Variants in ANO7 observed in about 807,000 individuals in gnomAD.
The protein encoded by ANO7 is anoctamin 7.
A neutral mutation model predicts 115.8 loss-of-function variants in ANO7; 114 were observed. That is an observed-to-expected ratio of 0.98 (90% CI 0.85 to 1.15). The LOEUF is 1.15. Among genes scored for constraint, ANO7 ranks in the 50% most tolerant of loss-of-function variants. ANO7 has a pLI of 0.00. For missense variants in ANO7, 1,302 were observed against 1,201.2 expected, an observed-to-expected ratio of 1.08 and a Z score of -1.24; for synonymous variants, 550 against 498.2, an observed-to-expected ratio of 1.10 and a Z score of -1.38.
intron 1 of ANO7, among the ~76,000 whole-genome samples, chr2:241,189,605 G>A (rs1171428573): frequency 6.6e-6 from 1 of 152,132 alleles, no homozygotes; most frequent in Non-Finnish European, 1.5e-5. Flanking sequence ...TCCTGGCACT[G>A]GGTCCTCAGG....
intron 21 of ANO7, among the ~76,000 whole-genome samples, chr2:241,220,670 G>A (rs1212928153): frequency 2.6e-5 from 4 of 152,230 alleles, no homozygotes; most frequent in African/African-American, 9.6e-5. Flanking sequence ...CGTGGTGCTG[G>A]ACGCCTGTAG....
the ANO7 span, chr2:241,235,465 A>T: frequency 6.4e-7 from 1 of 1,569,030 alleles, no homozygotes; most frequent in Non-Finnish European, 8.8e-7. Flanking sequence ...CTCCTGTGAC[A>T]TGGCCTCCCG....
At chr2:241,218,733 C>A (rs1339041100) in intron 21 of ANO7, among the ~76,000 whole-genome samples, 1 of 152,186 alleles carries the variant, frequency 6.6e-6, no homozygotes, top group Non-Finnish European at 1.5e-5. Context: ...GTCTTCAGAG[C>A]GGAGCTCGCC....
At chr2:241,226,610 G>A (rs1294414686), downstream of ANO7, among the ~76,000 whole-genome samples, 1 of 152,074 alleles carries the variant, frequency 6.6e-6, no homozygotes, top group Non-Finnish European at 1.5e-5. Context: ...ATTTTTAATA[G>A]AGACGGGGTT....
At chr2:241,221,336 A>C (rs1265690911) in intron 21 of ANO7, among the ~76,000 whole-genome samples, 1 of 151,800 alleles carries the variant, frequency 6.6e-6, no homozygotes, top group East Asian at 2.0e-4. Context: ...TCGGCCTCCC[A>C]AAGTGCTGGG....
intron 6 of ANO7, 135 bp downstream of exon 6, chr2:241,200,360 G>T (rs369608504): frequency 3.4e-5 from 42 of 1,228,022 alleles, no homozygotes; most frequent in Admixed American, 2.7e-4. Flanking sequence ...GGCCAGGTGC[G>T]CACGCTTATC....
chr2:241,203,133 C>T lies in ANO7; in HGVS notation c.724-200C>T, dbSNP rs1046026110. Among the ~76,000 whole-genome samples the T allele has an allele frequency of 1.3e-5, 2 of 152,254 alleles. No homozygotes were observed. The highest frequency in any genetic ancestry group is 2.4e-5 in the African/African-American group (1 of 41,536). On this transcript the variant is annotated intron_variant, in intron 8 of 24. Transcript: ENST00000674324. The surrounding 1 kb of genome is among the most constrained non-coding windows in gnomAD (Gnocchi z 4.8). The stretch of plus-strand genomic sequence containing the variant: ...AGTCCAGGAGTCAGAGGGGCCTCAC[C>T]ACATATGTCCCCTCCTCAGAGAGGT...
chr2:241,236,740 T>G, the ANO7 span: 52 of 1,613,786 alleles, frequency 3.2e-5, no homozygotes, highest in Non-Finnish European at 4.2e-5. Context: ...TCGTCCCCAT[T>G]CTCCTGGACA....
Position 241,210,565 on chromosome 2 carries a change from G to C in ANO7, c.1556G>C (p.Arg519Pro). The change falls in exon 15 of 25, where the codon CGA becomes CCA. Residue 519 changes from arginine to proline, a missense_variant. By Grantham distance (103) the Arg-to-Pro change is moderately radical (BLOSUM62 -2). Transcript: ENST00000674324. ...GTATCCCTGGCCCACGTCCTGACAC[G>C]ATGGGGTGAGTGGGCTGAGGCCGGC... ...IYVSLAHVLT[R>P]WEMHRTQTKF... 1.9e-6 allele frequency: 3 copies of C among 1,613,490 alleles called. No homozygotes were observed. The highest frequency in any genetic ancestry group is 2.5e-6 in the Non-Finnish European group (3 of 1,179,890).
intron 3 of ANO7, among the ~76,000 whole-genome samples, chr2:241,192,211 G>A (rs1324085015): frequency 6.6e-6 from 1 of 152,210 alleles, no homozygotes; most frequent in African/African-American, 2.4e-5. Context: ...TGTAATTCCA[G>A]CTACTCGGGA....
chr2:241,229,459 C>A, downstream of ANO7: 1 of 649,292 alleles, frequency 1.5e-6, no homozygotes, highest in South Asian at 1.9e-5. Flanking sequence ...CAGCCAGGCG[C>A]TAGGCTCCCT....
intron 6 of ANO7, 41 bp from the exon 7 acceptor site, chr2:241,201,257 C>T: frequency 6.2e-7 from 1 of 1,603,476 alleles, no homozygotes; most frequent in Non-Finnish European, 8.5e-7. Flanking sequence ...CACATGCCCA[C>T]AGCTTCCTCC....
chr2:241,205,411 T>C (rs536496432), intron 10 of ANO7, among the ~76,000 whole-genome samples: 4 of 143,098 alleles, frequency 2.8e-5, no homozygotes, highest in Admixed American at 1.4e-4. Flanking sequence ...TAGCTAGGAC[T>C]GCTCTCAGGC....
the ANO7 span, among the ~76,000 whole-genome samples, chr2:241,233,095 C>T: frequency 6.6e-6 from 1 of 152,142 alleles, no homozygotes; most frequent in Non-Finnish European, 1.5e-5. This position sits in a 1 kb window ranked among gnomAD's most constrained non-coding sequence, Gnocchi z 4.3. Flanking sequence ...TTCTGGAAAC[C>T]AGCACAACTG....
chr2:241,225,159 A>G lies in ANO7; in HGVS notation c.*1006A>G, dbSNP rs2069128364. On this transcript the variant is annotated 3_prime_UTR_variant, in exon 25 of 25. Coordinates refer to ENST00000674324, the MANE Select transcript of ANO7 (RefSeq NM_001370694.2). ...ATCCCAGTGTGGCCGTCTGCTTGCT[A>G]AAAAATGGATCTGTGCTCATCTGTA... 1 of 152,144 alleles carries G rather than the reference A, an allele frequency of 6.6e-6. No individual in the cohort carries two copies. Among genetic ancestry groups the G allele is most frequent in the Non-Finnish European group, 1.5e-5 (1 of 68,052 alleles). The allele number at this position is 152,144 out of a possible 1,614,324, so 9.4% of individuals were successfully genotyped here.
intron 4 of ANO7, among the ~76,000 whole-genome samples, chr2:241,198,446 C>G (rs988869487): frequency 6.6e-6 from 1 of 152,226 alleles, no homozygotes; most frequent in Non-Finnish European, 1.5e-5. Context: ...AGGTCATCAT[C>G]CAGACTCGAG....
intron 19 of ANO7, chr2:241,217,471 CGGAGCGCAG>C (rs1384555089): frequency 8.7e-6 from 5 of 576,686 alleles, no homozygotes; most frequent in Middle Eastern, 9.1e-4. Flanking sequence ...GCCAGAAGCA[CGGAGCGCAG>C]GGCAGGACAG....
chr2:241,240,205 C>A, the ANO7 span: 1 of 1,324,360 alleles, frequency 7.6e-7, no homozygotes, highest in Non-Finnish European at 1.1e-6. This position sits in a 1 kb window ranked among gnomAD's most constrained non-coding sequence, Gnocchi z 5.5. Context: ...TGTAGGACAG[C>A]AAGCTCGGGC....
chr2:241,239,867 C>T, the ANO7 span: 5 of 1,612,212 alleles, frequency 3.1e-6, no homozygotes, highest in Non-Finnish European at 4.2e-6. The surrounding 1 kb of genome is among the most constrained non-coding windows in gnomAD (Gnocchi z 4.6). Flanking sequence ...CATCACGGCC[C>T]CAGCAGAGTC....
Sources: allele counts gnomAD v4.1 joint callset (sites outside exome capture counted in the v4.1 genomes callset), GRCh38; gene constraint gnomAD v4.1.1; non-coding constraint Gnocchi (gnomAD v3.1); transcripts MANE v1.5; gene names NCBI Gene and HGNC (gene_info 2026-07-23, HGNC 2026-07-21).